Variants in EDA observed in about 807,000 individuals in gnomAD.
The protein encoded by EDA is ectodysplasin-A.
Under a neutral mutation model 23.6 loss-of-function variants are expected in EDA, and 2 were observed. The ratio of observed to expected loss-of-function variants is 0.08; its 90% CI spans 0.03 to 0.27. The LOEUF is 0.27. Among genes scored for constraint, EDA ranks in the 10% least tolerant of loss-of-function variants. The probability of loss-of-function intolerance (pLI) is 1.00; values close to 1 mark genes in which losing one functional copy is unlikely to be tolerated. For missense variants in EDA, 229 were observed against 324.2 expected, an observed-to-expected ratio of 0.71 and a Z score of 2.26; for synonymous variants, 131 against 132.0, an observed-to-expected ratio of 0.99 and a Z score of 0.05.
rs765775603 is a variant in EDA, at chrX:69,747,486, G to T, written c.396+130782G>T. ...GATTTTATTCTGAGTGCAGTTAAAA[G>T]ATATTGTGGGATTTTAAACTGGAGT... On this transcript the variant is annotated intron_variant, in intron 1 of 7. Transcript: ENST00000374552. Among the ~76,000 whole-genome samples, 5 of 112,503 alleles carry T rather than the reference G, an allele frequency of 4.4e-5. No individual in the cohort carries two copies. The East Asian group carries it at 1.4e-3, about 32-fold the overall frequency.
chrX:69,813,604 G>C (rs977552974), intron 1 of EDA, among the ~76,000 whole-genome samples: 2 of 111,846 alleles, frequency 1.8e-5, no homozygotes, highest in African/African-American at 6.5e-5. Context: ...CCAGCACCTA[G>C]TATAATGTTG....
chrX:69,902,808 C>G (rs1313519006), intron 1 of EDA, among the ~76,000 whole-genome samples: 3 of 111,594 alleles, frequency 2.7e-5, no homozygotes, highest in Non-Finnish European at 5.6e-5. Context: ...GAGCTGGTAA[C>G]TTAAGACCCT....
intron 1 of EDA, among the ~76,000 whole-genome samples, chrX:69,872,506 T>TC (rs1437243468): frequency 2.1e-4 from 23 of 111,782 alleles, no homozygotes; most frequent in African/African-American, 6.8e-4. Flanking sequence ...TTCAGGAGAC[T>TC]CGCCTAACAC....
intron 1 of EDA, among the ~76,000 whole-genome samples, chrX:69,894,643 T>C (rs1278798320): frequency 1.8e-5 from 2 of 111,516 alleles, no homozygotes; most frequent in Admixed American, 1.9e-4. Flanking sequence ...GCTGTATTCC[T>C]AGGTAATTTA....
At chrX:69,744,399 G>A (rs1277858479) in intron 1 of EDA, among the ~76,000 whole-genome samples, 2 of 111,872 alleles carry the variant, frequency 1.8e-5, no homozygotes, top group African/African-American at 3.2e-5. Flanking sequence ...CTGAAGCCCC[G>A]TGTTTCCCAT....
chrX:69,751,848 TATAAC>T (rs1160676783), intron 1 of EDA, among the ~76,000 whole-genome samples: 2 of 105,586 alleles, frequency 1.9e-5, no homozygotes, highest in Admixed American at 2.0e-4. Context: ...GGAATTCTGT[TATAAC>T]AGAACAGAAT....
At chrX:69,917,683 G>A (rs1432594214) in intron 1 of EDA, among the ~76,000 whole-genome samples, 3 of 111,377 alleles carry the variant, frequency 2.7e-5, no homozygotes. Flanking sequence ...AGTAATCCCA[G>A]ATTAACTCTA....
intron 1 of EDA, among the ~76,000 whole-genome samples, chrX:69,675,975 G>C (rs1934065674): frequency 9.0e-6 from 1 of 111,237 alleles, no homozygotes; most frequent in African/African-American, 3.3e-5. Context: ...ATTCCAGGCA[G>C]AAGAAGTAGC....
chrX:70,034,878 C>G (rs2020243596), intron 7 of EDA, among the ~76,000 whole-genome samples: 2 of 111,762 alleles, frequency 1.8e-5, no homozygotes, highest in South Asian at 7.6e-4. Context: ...TGTTAAGGAG[C>G]TCAAGAAATC....
chrX:69,904,294 A>G (rs1203565172), intron 1 of EDA, among the ~76,000 whole-genome samples: 1 of 111,894 alleles, frequency 8.9e-6, no homozygotes, highest in Non-Finnish European at 1.9e-5. Flanking sequence ...ACCAAACACT[A>G]GATATTATTC....
At chrX:69,815,282 C>T (rs1341342403) in intron 1 of EDA, among the ~76,000 whole-genome samples, 3 of 111,767 alleles carry the variant, frequency 2.7e-5, no homozygotes, top group Admixed American at 9.4e-5. Flanking sequence ...GTACAGCTGC[C>T]TTGCCAGATT....
At chrX:69,829,216 A>G (rs1229663878) in intron 1 of EDA, among the ~76,000 whole-genome samples, 1 of 112,235 alleles carries the variant, frequency 8.9e-6, no homozygotes, top group Admixed American at 9.5e-5. Context: ...AGTGCTGTCC[A>G]CGCATAAAGA....
At chrX:69,867,175 T>C (rs1956577910) in intron 1 of EDA, among the ~76,000 whole-genome samples, 1 of 111,885 alleles carries the variant, frequency 8.9e-6, no homozygotes, top group African/African-American at 3.3e-5. Context: ...TGGAAGTCCA[T>C]GTTGCTGAAC....
chrX:69,949,763 A>T lies in EDA; in HGVS notation c.397-7264A>T, dbSNP rs747675635. ...TAGGTGTTGCCAATGTGGTGGTATT[A>T]AGAGGTGAGGCCTTTAAGAGGCAAT... is the stretch of plus-strand genomic sequence containing the variant. On this transcript the variant is annotated intron_variant, in intron 1 of 7. Transcript: ENST00000374552. Among the ~76,000 whole-genome samples the T allele has an allele frequency of 4.2e-3, 474 of 111,873 alleles. 1 individual carries two copies. Among genetic ancestry groups the T allele is most frequent in the African/African-American group, 0.015 (455 of 30,760 alleles).
At chrX:69,837,071 A>G (rs1227211389) in intron 1 of EDA, among the ~76,000 whole-genome samples, 1 of 111,870 alleles carries the variant, frequency 8.9e-6, no homozygotes, top group Non-Finnish European at 1.9e-5. Context: ...GTAGCCATAT[A>G]TATTTATTGG....
At chrX:69,699,484 C>T (rs764695923) in intron 1 of EDA, among the ~76,000 whole-genome samples, 7 of 110,963 alleles carry the variant, frequency 6.3e-5, no homozygotes, top group Middle Eastern at 4.7e-3. Context: ...TAGTACACTG[C>T]GGTGAGCTAG....
At chrX:69,973,864 G>T (rs185101691) in intron 2 of EDA, among the ~76,000 whole-genome samples, 52 of 111,087 alleles carry the variant, frequency 4.7e-4, no homozygotes, top group African/African-American at 1.5e-3. Flanking sequence ...TGTTGAATTT[G>T]CCAACAAAAG....
At chrX:69,839,800 G>T (rs893945674) in intron 1 of EDA, among the ~76,000 whole-genome samples, 62 of 112,072 alleles carry the variant, frequency 5.5e-4, no homozygotes, top group African/African-American at 1.9e-3. Flanking sequence ...TATCAGCTAG[G>T]GCTGGGGAGC....
intron 1 of EDA, among the ~76,000 whole-genome samples, chrX:69,884,044 A>T (rs1440245237): frequency 1.8e-5 from 2 of 111,425 alleles, no homozygotes; most frequent in Admixed American, 1.9e-4. Flanking sequence ...AGGCTGGGCA[A>T]TAGAGCAAGA....
Sources: allele counts gnomAD v4.1 joint callset (sites outside exome capture counted in the v4.1 genomes callset), GRCh38; gene constraint gnomAD v4.1.1; transcripts MANE v1.5; gene names NCBI Gene and HGNC (gene_info 2026-07-23, HGNC 2026-07-21).